NRXN3: variants seen among roughly 807,000 people sequenced by gnomAD.
NRXN3 encodes neurexin 3.
A neutral mutation model predicts 137.6 loss-of-function variants in NRXN3; 32 were observed. That is an observed-to-expected ratio of 0.23 (90% CI 0.18 to 0.31). The LOEUF is 0.31. NRXN3 is among the 10% of genes least tolerant of loss of function. The probability of loss-of-function intolerance (pLI) is 1.00; values close to 1 mark genes in which losing one functional copy is unlikely to be tolerated. For missense variants in NRXN3, 1,574 were observed against 2,062.5 expected (o/e 0.76, Z 4.59); for synonymous variants, 798 against 784.5 (o/e 1.02, Z -0.29).
chr14:78,465,539 G>GT, intron 4 of NRXN3, among the ~76,000 whole-genome samples: 1 of 152,174 alleles, frequency 6.6e-6, no homozygotes, highest in South Asian at 2.1e-4. Context: ...TTGTTTGTTT[G>GT]TTTTTTGTTT....
chr14:78,425,933 G>A (rs543617637), intron 4 of NRXN3, among the ~76,000 whole-genome samples: 3 of 152,352 alleles, frequency 2.0e-5, no homozygotes, highest in East Asian at 3.9e-4. Context: ...TACGCACCAC[G>A]TGAGTGGCCT....
At chr14:78,314,174 A>T (rs77916645) in intron 4 of NRXN3, among the ~76,000 whole-genome samples, 6,250 of 152,222 alleles carry the variant, frequency 0.041, 390 homozygotes, top group African/African-American at 0.14. Context: ...GCATGTTGAC[A>T]TTGCAGTGGT....
At chr14:78,429,245 T>TA (rs59194432) in intron 4 of NRXN3, among the ~76,000 whole-genome samples, 17,032 of 151,572 alleles carry the variant, frequency 0.11, 1,360 homozygotes, top group African/African-American at 0.21. Flanking sequence ...TATATATATA[T>TA]TTTTTGTATA....
intron 15 of NRXN3, among the ~76,000 whole-genome samples, chr14:78,992,934 C>T (rs536869838): frequency 1.3e-5 from 2 of 152,078 alleles, no homozygotes; most frequent in Admixed American, 1.3e-4. Context: ...AGGGAATGAA[C>T]GTGGGTCCTC....
At chr14:79,303,853 G>T (rs1306826580) in intron 15 of NRXN3, among the ~76,000 whole-genome samples, 1 of 152,012 alleles carries the variant, frequency 6.6e-6, no homozygotes, top group Non-Finnish European at 1.5e-5. Flanking sequence ...TAAAGATATA[G>T]CTTCCCTGGG....
chr14:78,195,649 A>G (rs967174384), intron 1 of NRXN3, among the ~76,000 whole-genome samples: 12 of 152,194 alleles, frequency 7.9e-5, no homozygotes, highest in Non-Finnish European at 1.5e-5. Context: ...GAGGAGAGCA[A>G]CTGCGGGCGT....
Position 78,556,841 on chromosome 14 carries a change from T to C in NRXN3, c.758-88279T>C, listed in dbSNP as rs138470169. ...CAGTTGATGGTAAAAAAAAAATACA[T>C]CTAGGAGACCTCTCCTCTCCTCTCT... On this transcript the variant is annotated intron_variant, in intron 4 of 20. Transcript: ENST00000335750. Among the ~76,000 whole-genome samples the C allele has an allele frequency of 2.1e-3, 319 of 151,268 alleles. 2 individuals carry two copies. Among genetic ancestry groups the C allele is most frequent in the African/African-American group, 7.3e-3 (300 of 41,176 alleles).
At chr14:78,679,197 G>A (rs2098045330) in intron 6 of NRXN3, among the ~76,000 whole-genome samples, 1 of 152,124 alleles carries the variant, frequency 6.6e-6, no homozygotes, top group African/African-American at 2.4e-5. Flanking sequence ...CTCTTTGGAG[G>A]CATTGATTAG....
intron 10 of NRXN3, among the ~76,000 whole-genome samples, chr14:78,840,670 A>G (rs1029590085): frequency 7.2e-5 from 11 of 152,270 alleles, no homozygotes; most frequent in African/African-American, 2.4e-4. Flanking sequence ...GGAAGCAGGA[A>G]GGAAATCAGG....
At position 78,803,681 on chromosome 14, in the gene NRXN3, G is replaced by A; in HGVS notation, c.2106G>A (p.Met702Ile). The A allele has an allele frequency of 6.2e-7, 1 of 1,614,114 alleles. No homozygotes were observed. The highest frequency in any genetic ancestry group is 1.1e-5 in the South Asian group (1 of 91,086). ...TGAAGATCATCATGCCCATGGTCAT[G>A]CATACTGAGGCAGAGGATGTGTCCT... ...MYMKIIMPMV[M>I]HTEAEDVSFR... The change falls in exon 9 of 21, where the codon ATG becomes ATA. Residue 702 changes from methionine (M) to isoleucine (I), a missense_variant. By Grantham distance (10) the Met-to-Ile change is conservative. Coordinates refer to ENST00000335750, the MANE Select transcript of NRXN3 (RefSeq NM_001330195.2).
At chr14:78,713,858 C>A (rs1375763660) in intron 7 of NRXN3, among the ~76,000 whole-genome samples, 1 of 152,198 alleles carries the variant, frequency 6.6e-6, no homozygotes, top group Non-Finnish European at 1.5e-5. Context: ...TAATTCAATT[C>A]ACTTCCCACC....
chr14:79,717,261 T>A (rs1337120973), intron 19 of NRXN3, among the ~76,000 whole-genome samples: 2 of 152,322 alleles, frequency 1.3e-5, no homozygotes, highest in East Asian at 1.9e-4. Flanking sequence ...CACACATAGC[T>A]TTGACTTCCA....
intron 15 of NRXN3, among the ~76,000 whole-genome samples, chr14:79,146,104 T>C (rs2059276018): frequency 6.6e-6 from 1 of 152,180 alleles, no homozygotes; most frequent in Admixed American, 6.5e-5. Flanking sequence ...TTACAAGCAT[T>C]ATTGCATTTA....
chr14:78,279,596 A>G (rs1329848697), intron 3 of NRXN3: 2 of 152,140 alleles, frequency 1.3e-5, no homozygotes, highest in Non-Finnish European at 2.9e-5. Flanking sequence ...TTTAATGTAC[A>G]GGAAATTTAG....
intron 15 of NRXN3, among the ~76,000 whole-genome samples, chr14:79,196,001 C>T (rs1213470333): frequency 6.6e-6 from 1 of 152,178 alleles, no homozygotes; most frequent in Non-Finnish European, 1.5e-5. Flanking sequence ...TTCTTATTCT[C>T]AGATTTGCCT....
chr14:79,131,804 A>C (rs946423619), intron 15 of NRXN3, among the ~76,000 whole-genome samples: 5 of 152,202 alleles, frequency 3.3e-5, no homozygotes, highest in Admixed American at 6.5e-5. Flanking sequence ...GTTTGATCTC[A>C]GACTGCTGTG....
At chr14:79,155,942 C>A (rs2060217117) in intron 15 of NRXN3, among the ~76,000 whole-genome samples, 1 of 151,778 alleles carries the variant, frequency 6.6e-6, no homozygotes, top group Non-Finnish European at 1.5e-5. Flanking sequence ...TACTTTTATA[C>A]ATAGATGTTT....
chr14:79,037,429 T>C (rs1280343813), intron 15 of NRXN3, among the ~76,000 whole-genome samples: 2 of 152,098 alleles, frequency 1.3e-5, no homozygotes, highest in African/African-American at 4.8e-5. Context: ...GAGTACCACT[T>C]CCTCCCTTCT....
intron 10 of NRXN3, among the ~76,000 whole-genome samples, chr14:78,826,869 C>T (rs371295851): frequency 1.1e-3 from 173 of 152,282 alleles, no homozygotes; most frequent in Non-Finnish European, 5.9e-4. Flanking sequence ...GTTTGCACAA[C>T]GGCATAAAAC....
Sources: allele counts gnomAD v4.1 joint callset (sites outside exome capture counted in the v4.1 genomes callset), GRCh38; gene constraint gnomAD v4.1.1; transcripts MANE v1.5; gene names NCBI Gene and HGNC (gene_info 2026-07-23, HGNC 2026-07-21).